The following SPATA16 variants were observed in gnomAD, a reference collection of about 807,000 sequenced individuals.
The protein encoded by SPATA16 is spermatogenesis associated 16, also known as spermatogenesis-associated protein 16.
A neutral mutation model predicts 63.3 loss-of-function variants in SPATA16; 36 were observed. The ratio of observed to expected loss-of-function variants is 0.57; its 90% CI spans 0.44 to 0.75. The LOEUF (loss-of-function observed/expected upper bound fraction) is 0.75, where lower values mean the gene tolerates loss of function less well. Among genes scored for constraint, SPATA16 ranks in the 30% least tolerant of loss-of-function variants. SPATA16 has a pLI of 0.00. For missense variants in SPATA16, 646 were observed against 679.3 expected, an observed-to-expected ratio of 0.95 and a Z score of 0.54; for synonymous variants, 203 against 216.7, an observed-to-expected ratio of 0.94 and a Z score of 0.56.
intron 4 of SPATA16, among the ~76,000 whole-genome samples, chr3:173,012,796 T>G (rs1242432899): frequency 6.6e-6 from 1 of 152,210 alleles, no homozygotes; most frequent in African/African-American, 2.4e-5. Context: ...ATTAAAGATT[T>G]AAATATAAAA....
chr3:172,992,305 A>G (rs1170564660), intron 4 of SPATA16, among the ~76,000 whole-genome samples: 2 of 152,134 alleles, frequency 1.3e-5, no homozygotes, highest in Non-Finnish European at 2.9e-5. Flanking sequence ...TAAATAAGTA[A>G]TTTTGGAAAG....
At chr3:173,068,912 C>A (rs1736596319) in intron 2 of SPATA16, among the ~76,000 whole-genome samples, 1 of 150,434 alleles carries the variant, frequency 6.6e-6, no homozygotes, top group African/African-American at 2.5e-5. Flanking sequence ...AGATCGAGAC[C>A]ATCCTGGCTA....
intron 9 of SPATA16, 129 bp downstream of exon 9, chr3:172,916,188 A>G: frequency 8.9e-7 from 1 of 1,128,942 alleles, no homozygotes; most frequent in Non-Finnish European, 1.3e-6. Flanking sequence ...ATGCTTCAAG[A>G]AGGTTTGGGA....
Position 173,117,259 on chromosome 3 carries a change from A to G in SPATA16, c.473T>C (p.Val158Ala), listed in dbSNP as rs199849707. 1.2e-6 allele frequency: 2 copies of G among 1,614,190 alleles called. No homozygotes were observed. The highest frequency in any genetic ancestry group is 1.7e-6 in the Non-Finnish European group (2 of 1,180,008). Residue 158 changes from valine to alanine, a missense_variant, in exon 2 of 11, where the codon GTA becomes GCA. Coordinates refer to ENST00000351008, the MANE Select transcript of SPATA16 (RefSeq NM_031955.6). ...SQPTCQAAEIVDPLSVHNFSF... is the reference protein window; with the variant it reads ...SQPTCQAAEIADPLSVHNFSF... ...GAAATTATGTACACTCAAAGGGTCT[A>G]CTATTTCAGCAGCTTGGCATGTTGG... is the stretch of plus-strand genomic sequence containing the variant.
At position 173,117,663 on chromosome 3, in the gene SPATA16, T is replaced by C; in HGVS notation, c.69A>G (p.Pro23=). ...ACATTTTCTTGCTTGTGTTTATCTT[T>C]GGAACAAGCTGATCATGATAGATCC... ...VNRIYHDQLV[P]KINTSKKMST... is the part of the protein sequence containing the mutation. Residue 23 remains proline, a synonymous_variant, in exon 2 of 11, where the codon CCA becomes CCG. Transcript: ENST00000351008. 1.9e-6 allele frequency: 3 copies of C among 1,614,190 alleles called. No individual in the cohort carries two copies. Among genetic ancestry groups the C allele is most frequent in the Non-Finnish European group, 2.5e-6 (3 of 1,180,010 alleles).
At chr3:172,913,971 A>G (rs1732426587) in intron 9 of SPATA16, among the ~76,000 whole-genome samples, 1 of 152,224 alleles carries the variant, frequency 6.6e-6, no homozygotes. Flanking sequence ...ATTTGTAAAA[A>G]ACATATAGGT....
intron 6 of SPATA16, among the ~76,000 whole-genome samples, chr3:172,948,283 A>T (rs1347765060): frequency 3.3e-5 from 5 of 152,192 alleles, no homozygotes; most frequent in African/African-American, 1.2e-4. Context: ...CTGGCAGCCG[A>T]CTTCTCTGTG....
At chr3:173,026,794 T>C (rs1311455968) in intron 3 of SPATA16, among the ~76,000 whole-genome samples, 1 of 151,960 alleles carries the variant, frequency 6.6e-6, no homozygotes, top group African/African-American at 2.4e-5. Flanking sequence ...GTCTATCTTA[T>C]GCCATTATAA....
intron 3 of SPATA16, among the ~76,000 whole-genome samples, chr3:173,044,907 G>A (rs1735923577): frequency 6.6e-6 from 1 of 151,992 alleles, no homozygotes; most frequent in African/African-American, 2.4e-5. Context: ...CCTTTTGGTA[G>A]GTCATGGTCC....
intron 10 of SPATA16, among the ~76,000 whole-genome samples, chr3:172,895,394 G>A (rs1237430450): frequency 6.6e-6 from 1 of 152,104 alleles, no homozygotes; most frequent in Non-Finnish European, 1.5e-5. Flanking sequence ...GGAGTGCAGT[G>A]GTGTGGTCTT....
intron 8 of SPATA16, among the ~76,000 whole-genome samples, chr3:172,918,777 GGCCAC>G (rs1176055470): frequency 6.6e-6 from 1 of 152,086 alleles, no homozygotes; most frequent in Non-Finnish European, 1.5e-5. Context: ...GTAATAAAGT[GGCCAC>G]GACTGAAGCT....
At chr3:173,124,548 T>C (rs948357197) in intron 1 of SPATA16, among the ~76,000 whole-genome samples, 2 of 152,234 alleles carry the variant, frequency 1.3e-5, no homozygotes, top group African/African-American at 2.4e-5. Context: ...CCTCTTCTTT[T>C]GTTATTGGAC....
In SPATA16 at chr3:173,028,005, CCCTCCCTCCCTTCCTTCTTTCCTT is replaced by C. The variant is rs1287521570; in HGVS notation, c.759-8454_759-8431del. 7.7e-3 allele frequency among the ~76,000 whole-genome samples: 448 copies of C among 58,420 alleles called. 11 individuals carry two copies. Among genetic ancestry groups the C allele is most frequent in the African/African-American group, 0.039 (428 of 11,098 alleles). 38.3% of individuals were successfully genotyped at this position (58,420 alleles called of 152,430 possible). On this transcript the variant is annotated intron_variant, in intron 3 of 10. Transcript: ENST00000351008. Reference sequence around the variant, plus strand: ...TCCCTCCCTCCCTCCCTCCCTCCCTCCCTCCCTCCCTTCCTTCTTTCCTTCCTTCCTTCCTTCCTTCCTTCCTTC... The same window carrying C: ...TCCCTCCCTCCCTCCCTCCCTCCCTCCCTTCCTTCCTTCCTTCCTTCCTTC...
Position 172,977,068 on chromosome 3 carries a change from G to T in SPATA16, c.849-16C>A. The stretch of plus-strand genomic sequence containing the variant: ...CATGGCACTCCTAAGAACAAGGACA[G>T]ATTAAAAAAAAAACAAAAACAAATG... On this transcript the variant is annotated splice_polypyrimidine_tract_variant and intron_variant, in intron 4 of 10. Transcript: ENST00000351008. The T allele has an allele frequency of 6.3e-7, 1 of 1,596,812 alleles. No homozygotes were observed.
intron 5 of SPATA16, among the ~76,000 whole-genome samples, chr3:172,975,563 G>A (rs1734137774): frequency 6.6e-6 from 1 of 151,834 alleles, no homozygotes; most frequent in South Asian, 2.1e-4. Context: ...TTCCCATCTG[G>A]CATTTTTAAA....
At chr3:172,991,729 C>G (rs1734582193) in intron 4 of SPATA16, among the ~76,000 whole-genome samples, 1 of 152,052 alleles carries the variant, frequency 6.6e-6, no homozygotes, top group South Asian at 2.1e-4. Flanking sequence ...CACAAGAACA[C>G]TGATAACAGA....
At chr3:172,973,859 G>A (rs1013775601) in intron 5 of SPATA16, among the ~76,000 whole-genome samples, 4 of 152,132 alleles carry the variant, frequency 2.6e-5, no homozygotes, top group African/African-American at 9.7e-5. Flanking sequence ...TTCTCAAGGA[G>A]AATGGCTGAT....
chr3:173,070,970 T>G (rs1185950833), intron 2 of SPATA16, among the ~76,000 whole-genome samples: 3 of 152,110 alleles, frequency 2.0e-5, no homozygotes, highest in East Asian at 1.9e-4. Flanking sequence ...ATTCTAAAAT[T>G]TATATGGAGC....
chr3:172,951,049 AAATCTC>A (rs1449462623), intron 6 of SPATA16, among the ~76,000 whole-genome samples: 6 of 152,176 alleles, frequency 3.9e-5, no homozygotes, highest in Admixed American at 2.6e-4. Context: ...ATATGAATAA[AAATCTC>A]AAGCCAAATC....
Sources: allele counts gnomAD v4.1 joint callset (sites outside exome capture counted in the v4.1 genomes callset), GRCh38; gene constraint gnomAD v4.1.1; transcripts MANE v1.5; gene names NCBI Gene and HGNC (gene_info 2026-07-23, HGNC 2026-07-21).